Variants in SPATA31H1 observed in about 807,000 individuals in gnomAD.
The protein encoded by SPATA31H1 is spermatogenesis-associated protein 31H1.
the SPATA31H1 span, among the ~76,000 whole-genome samples, chr2:27,562,865 C>T: frequency 7.4e-5 from 11 of 149,316 alleles, no homozygotes; most frequent in East Asian, 2.0e-4. Context: ...CCAGCCTGGA[C>T]GACAGAGTGA....
the SPATA31H1 span, among the ~76,000 whole-genome samples, chr2:27,561,065 C>T: frequency 8.3e-4 from 126 of 152,240 alleles, no homozygotes; most frequent in East Asian, 0.018. Flanking sequence ...TCTGAGGAGC[C>T]TGGCACAGTG....
chr2:27,537,923 A>G, the SPATA31H1 span, among the ~76,000 whole-genome samples: 1 of 152,194 alleles, frequency 6.6e-6, no homozygotes, highest in Non-Finnish European at 1.5e-5. Flanking sequence ...GGGAGAGCTC[A>G]GGTTTGAGTG....
chr2:27,581,751 C>T, the SPATA31H1 span: 14 of 1,613,168 alleles, frequency 8.7e-6, no homozygotes, highest in East Asian at 4.5e-5. Context: ...GAGGAGCCAT[C>T]GCAGTCCCTC....
the SPATA31H1 span, among the ~76,000 whole-genome samples, chr2:27,554,470 G>A: frequency 7.2e-5 from 11 of 152,160 alleles, no homozygotes; most frequent in South Asian, 1.7e-3. Flanking sequence ...GGGTGCCAGC[G>A]TGGTCAGATT....
At chr2:27,582,079 G>GGAGC in the SPATA31H1 span, 1 of 1,613,672 alleles carries the variant, frequency 6.2e-7, no homozygotes, top group Non-Finnish European at 8.5e-7. Flanking sequence ...TCCTTTGAGA[G>GGAGC]GAGCCATCGT....
chr2:27,546,436 G>T, the SPATA31H1 span, among the ~76,000 whole-genome samples: 2 of 152,054 alleles, frequency 1.3e-5, no homozygotes, highest in East Asian at 3.9e-4. Context: ...TTCCAGTAGG[G>T]CAGGAACTAG....
chr2:27,575,849 C>T, the SPATA31H1 span: 9 of 398,358 alleles, frequency 2.3e-5, no homozygotes, highest in Non-Finnish European at 3.5e-5. This position sits in a 1 kb window ranked among gnomAD's most constrained non-coding sequence, Gnocchi z 4.1. Flanking sequence ...TTGGGTGCAA[C>T]CCAGGGCCGT....
chr2:27,577,442 C>A, the SPATA31H1 span: 5 of 1,614,042 alleles, frequency 3.1e-6, no homozygotes, highest in South Asian at 2.2e-5. The surrounding 1 kb of genome is among the most constrained non-coding windows in gnomAD (Gnocchi z 4.5). Context: ...CAAATGAATT[C>A]TTTGGAATGA....
At chr2:27,574,491 A>G in the SPATA31H1 span, 1 of 398,430 alleles carries the variant, frequency 2.5e-6, no homozygotes, top group Non-Finnish European at 4.4e-6. Context: ...GATCATGGGT[A>G]TAAAGCTTCA....
chr2:27,562,945 C>A, the SPATA31H1 span, among the ~76,000 whole-genome samples: 1 of 151,334 alleles, frequency 6.6e-6, no homozygotes, highest in Non-Finnish European at 1.5e-5. Flanking sequence ...TTATTCCAAC[C>A]AAGAACTTGG....
chr2:27,580,082 G>A, the SPATA31H1 span: 1 of 1,614,164 alleles, frequency 6.2e-7, no homozygotes. Flanking sequence ...GCTTTAGGCT[G>A]AGAATTGGGA....
At chr2:27,544,380 A>G in the SPATA31H1 span, among the ~76,000 whole-genome samples, 4 of 151,882 alleles carry the variant, frequency 2.6e-5, no homozygotes, top group Admixed American at 2.6e-4. Context: ...CTCTGCTCAG[A>G]CACAACCTCT....
the SPATA31H1 span, among the ~76,000 whole-genome samples, chr2:27,552,073 CA>C: frequency 6.6e-6 from 1 of 152,008 alleles, no homozygotes; most frequent in Non-Finnish European, 1.5e-5. Flanking sequence ...CTTGGCCTCC[CA>C]AAGTGCTGGG....
chr2:27,564,334 A>G, the SPATA31H1 span, among the ~76,000 whole-genome samples: 1 of 152,122 alleles, frequency 6.6e-6, no homozygotes, highest in Non-Finnish European at 1.5e-5. Context: ...TTCCAAATAC[A>G]CACTTCACAT....
the SPATA31H1 span, among the ~76,000 whole-genome samples, chr2:27,554,965 C>T: frequency 2.0e-5 from 3 of 152,094 alleles, no homozygotes; most frequent in East Asian, 5.8e-4. Flanking sequence ...TCTACTAATA[C>T]ATTACATTGA....
the SPATA31H1 span, chr2:27,571,175 T>C: frequency 2.5e-6 from 1 of 398,368 alleles, no homozygotes; most frequent in African/African-American, 2.1e-5. Context: ...AATTGGAAGA[T>C]GTCAAATCTA....
At chr2:27,548,326 G>A in the SPATA31H1 span, among the ~76,000 whole-genome samples, 5 of 151,660 alleles carry the variant, frequency 3.3e-5, no homozygotes, top group East Asian at 1.9e-4. Context: ...TCCAATTATC[G>A]CCTGGGTGCA....
At chr2:27,562,694 C>A in the SPATA31H1 span, among the ~76,000 whole-genome samples, 1 of 151,230 alleles carries the variant, frequency 6.6e-6, no homozygotes, top group Non-Finnish European at 1.5e-5. Context: ...AGTTCGAGAC[C>A]AGCTTGGCAT....
the SPATA31H1 span, among the ~76,000 whole-genome samples, chr2:27,564,646 G>A: frequency 9.2e-5 from 14 of 151,896 alleles, no homozygotes; most frequent in Admixed American, 3.9e-4. Flanking sequence ...GCAAAACCCC[G>A]TCTCTACTAA....
Sources: gnomAD v4.1 joint callset for allele counts (sites outside exome capture counted in the v4.1 genomes callset) on GRCh38, gnomAD v4.1.1 for gene constraint, Gnocchi (gnomAD v3.1) non-coding constraint, MANE v1.5 for transcripts, NCBI Gene and HGNC (gene_info 2026-07-23, HGNC 2026-07-21) for gene names.